ALG13: variants seen among roughly 807,000 people sequenced by gnomAD.
ALG13 encodes ALG13 UDP-N-acetylglucosaminyltransferase subunit, also known as UDP-N-acetylglucosamine transferase subunit ALG13.
In ALG13, 11 loss-of-function variants were observed where a neutral mutation model predicts 87.8. The ratio of observed to expected loss-of-function variants is 0.13; its 90% CI spans 0.08 to 0.21. The LOEUF (loss-of-function observed/expected upper bound fraction) is 0.21, where lower values mean the gene tolerates loss of function less well. Among genes scored for constraint, ALG13 ranks in the 10% least tolerant of loss-of-function variants. The pLI is 1.00. For missense variants in ALG13, 756 were observed against 866.1 expected (o/e 0.87, Z 1.60); for synonymous variants, 320 against 306.3 (o/e 1.04, Z -0.47).
Position 111,693,040 on chromosome X carries a change from C to G in ALG13, c.383+7937C>G, listed in dbSNP as rs970239374. On this transcript the variant is annotated intron_variant, in intron 3 of 26. Transcript: ENST00000394780. The stretch of plus-strand genomic sequence containing the variant: ...AAGTGATCTGCCTGCCTCAGCCTCC[C>G]AAAGTGCTGGGATTACAGGCGTGAG... 3.2e-4 allele frequency among the ~76,000 whole-genome samples: 35 copies of G among 110,796 alleles called. No homozygotes were observed. In the East Asian group the frequency reaches 3.4e-3, roughly 11 times the overall value.
intron 12 of ALG13, 114 bp downstream of exon 12, chrX:111,721,825 C>A: frequency 4.4e-6 from 2 of 450,536 alleles, no homozygotes; most frequent in Non-Finnish European, 3.9e-6. Flanking sequence ...TAGCCTGATG[C>A]TTTTTATCTT....
chrX:111,695,337 A>G (rs1173237891), intron 3 of ALG13, among the ~76,000 whole-genome samples: 1 of 110,932 alleles, frequency 9.0e-6, no homozygotes, highest in Non-Finnish European at 1.9e-5. Flanking sequence ...CAGCCTGACC[A>G]GCATGGAGAA....
intron 24 of ALG13, among the ~76,000 whole-genome samples, chrX:111,752,208 TC>T (rs748397956): frequency 9.0e-6 from 1 of 111,673 alleles, no homozygotes; most frequent in South Asian, 3.7e-4. Context: ...ATTGGATTCT[TC>T]CTAAATATTA....
At chrX:111,733,766 G>A (rs781035001) in intron 21 of ALG13, among the ~76,000 whole-genome samples, 1 of 111,211 alleles carries the variant, frequency 9.0e-6, no homozygotes, top group African/African-American at 3.3e-5. Flanking sequence ...AGTTTACACT[G>A]CCACCAACAG....
At chrX:111,718,715 A>G (rs984664557) in intron 10 of ALG13, among the ~76,000 whole-genome samples, 17 of 111,926 alleles carry the variant, frequency 1.5e-4, no homozygotes, top group Non-Finnish European at 2.8e-4. Flanking sequence ...AAGTAGCACC[A>G]TCATTTTCTA....
At position 111,688,580 on chromosome X, in the gene ALG13, A is replaced by AACAT. The variant is rs10629017; in HGVS notation, c.383+3481_383+3484dup. ...GGATATATTCACTTTTTTTTTCTAA[A>AACAT]ACATACAAAGTGATAAAATAATCGT... On this transcript the variant is annotated intron_variant, in intron 3 of 26. Coordinates refer to ENST00000394780, the MANE Select transcript of ALG13 (RefSeq NM_001099922.3). The AACAT allele has an allele frequency of 0.054, 40,647 of 747,825 alleles. 11,478 individuals are homozygous for AACAT. The African/African-American group carries it at 0.84, about 16-fold the overall frequency. The allele number at this position is 747,825 out of a possible 1,213,427, so 61.6% of individuals were successfully genotyped here. A position where few individuals can be genotyped will look rare whatever the true frequency, so the allele number is the denominator to read the frequency against.
intron 15 of ALG13, among the ~76,000 whole-genome samples, chrX:111,726,463 C>G (rs943892359): frequency 1.0e-4 from 11 of 106,906 alleles, no homozygotes; most frequent in African/African-American, 3.8e-4. Context: ...AACTCCTGAC[C>G]TCAAGTGATC....
chrX:111,693,387 A>C (rs140183008), intron 3 of ALG13, among the ~76,000 whole-genome samples: 1,341 of 108,044 alleles, frequency 0.012, 11 homozygotes, highest in African/African-American at 0.034. Context: ...CTGGGATTAC[A>C]GGTATCCACC....
intron 18 of ALG13, among the ~76,000 whole-genome samples, 167 bp from the exon 19 acceptor site, chrX:111,728,018 T>A (rs763136221): frequency 8.9e-6 from 1 of 112,655 alleles, no homozygotes; most frequent in Non-Finnish European, 1.9e-5. Context: ...TTACTTCATA[T>A]TTTTTGTATT....
chrX:111,750,632 A>ATTGT (rs61179114), intron 24 of ALG13, among the ~76,000 whole-genome samples: 2 of 108,668 alleles, frequency 1.8e-5, no homozygotes, highest in East Asian at 2.9e-4. Flanking sequence ...ATTGTATTGT[A>ATTGT]TTGTTTGTTT....
chrX:111,753,568 A>G (rs934533882), intron 25 of ALG13, among the ~76,000 whole-genome samples: 1 of 112,072 alleles, frequency 8.9e-6, no homozygotes, highest in African/African-American at 3.2e-5. Context: ...AAAGAAGAAA[A>G]GAGAGAAGAA....
chrX:111,754,162 A>G (rs1372428965), intron 25 of ALG13, among the ~76,000 whole-genome samples: 1 of 111,893 alleles, frequency 8.9e-6, no homozygotes, highest in Middle Eastern at 4.2e-3. Context: ...AACAGAACCA[A>G]TGACAAAAAC....
chrX:111,714,751 G>A (rs755585569), intron 8 of ALG13, among the ~76,000 whole-genome samples: 1 of 110,879 alleles, frequency 9.0e-6, no homozygotes, highest in African/African-American at 3.3e-5. Context: ...TCTATTCCTC[G>A]ATCCATTCAT....
intron 3 of ALG13, among the ~76,000 whole-genome samples, chrX:111,700,391 A>G (rs747473347): frequency 5.2e-4 from 57 of 110,286 alleles, no homozygotes; most frequent in African/African-American, 1.9e-3. Context: ...TGCTCTGGCT[A>G]CGATTTGTAT....
chrX:111,683,075 G>C (rs748308708), intron 2 of ALG13, among the ~76,000 whole-genome samples: 20 of 109,055 alleles, frequency 1.8e-4, no homozygotes, highest in Non-Finnish European at 3.2e-4. Flanking sequence ...CAACAGATTC[G>C]TGATTAAAAA....
chrX:111,688,762 T>C (rs935988730), intron 3 of ALG13: 43 of 741,387 alleles, frequency 5.8e-5, no homozygotes, highest in Non-Finnish European at 6.4e-5. Flanking sequence ...AAATTAGTTT[T>C]ATGAATGAAC....
At position 111,759,877 on chromosome X, in the gene ALG13, T is replaced by C; in HGVS notation, c.3292T>C (p.Trp1098Arg). The change falls in exon 27 of 27, where the codon TGG becomes CGG. Residue 1098 changes from tryptophan to arginine, a missense_variant. Physicochemically the swap from Trp to Arg is moderately radical, Grantham distance 101. Transcript: ENST00000394780. ...VVPDYSCVPP[W>R]HPVGTAYGGS... is the part of the protein sequence containing the mutation. ...GCCAGATTATTCCTGTGTTCCCCCC[T>C]GGCATCCAGTTGGTACAGCATATGG... 2 of 1,211,066 alleles carry C rather than the reference T, an allele frequency of 1.7e-6. No individual in the cohort carries two copies. The highest frequency in any genetic ancestry group is 1.1e-6 in the Non-Finnish European group (1 of 895,328).
In ALG13 at chrX:111,708,324, C is replaced by G. The variant is rs1939140318; in HGVS notation, c.681C>G (p.Gly227=). 2 of 1,211,497 alleles carry G rather than the reference C, an allele frequency of 1.7e-6. No homozygotes were observed. The highest frequency in any genetic ancestry group is 2.2e-6 in the Non-Finnish European group (2 of 895,208). Residue 227 remains glycine, a synonymous_variant, in exon 4 of 27, where the codon GGC becomes GGG. Coordinates refer to ENST00000394780, the MANE Select transcript of ALG13 (RefSeq NM_001099922.3). ...LNEASMDEYL[G]SLGLFRKLTA... ...AGGCATCAATGGATGAATATTTAGG[C>G]AGCTTAGGGCTGTTTCGAAAGCTGA...
At position 111,718,259 on chromosome X, in the gene ALG13, G is replaced by C; in HGVS notation, c.1235G>C (p.Ser412Thr). The change falls in exon 10 of 27, where the codon AGT (serine) becomes ACT (threonine). Residue 412 changes from serine to threonine, a missense_variant. Transcript: ENST00000394780. ...GAGGATGCCCATACTGATTACAAGA[G>C]TTCAAATCAGAATAGGTAATAAAGG... is the stretch of plus-strand genomic sequence containing the variant. ...GSEDAHTDYK[S>T]SNQNRMEEWG... 8.4e-7 allele frequency: 1 copy of C among 1,190,610 alleles called. No individual in the cohort carries two copies. Among genetic ancestry groups the C allele is most frequent in the Non-Finnish European group, 1.1e-6 (1 of 883,319 alleles).
Sources: gnomAD v4.1 joint callset for allele counts (sites outside exome capture counted in the v4.1 genomes callset) on GRCh38, gnomAD v4.1.1 for gene constraint, MANE v1.5 for transcripts, NCBI Gene and HGNC (gene_info 2026-07-23, HGNC 2026-07-21) for gene names.